Variants in KIAA0825 observed in about 807,000 individuals in gnomAD.
KIAA0825 encodes uncharacterized protein KIAA0825.
KIAA0825 carries 119 observed loss-of-function variants against 147.6 expected under a neutral mutation model. The ratio of observed to expected loss-of-function variants is 0.81; its 90% CI spans 0.69 to 0.94. The LOEUF (loss-of-function observed/expected upper bound fraction) is 0.94, where lower values mean the gene tolerates loss of function less well. Ranked by LOEUF, KIAA0825 falls within the 40% of genes least tolerant of loss-of-function variation. The pLI, the probability that KIAA0825 is intolerant of heterozygous loss-of-function variation, is 0.00. For synonymous variants in KIAA0825, 470 were observed against 518.1 expected, an observed-to-expected ratio of 0.91 and a Z score of 1.26; for missense variants, 1,381 against 1,472.7, an observed-to-expected ratio of 0.94 and a Z score of 1.02.
At chr5:94,350,618 GGT>G (rs1783552640) in intron 20 of KIAA0825, among the ~76,000 whole-genome samples, 1 of 152,132 alleles carries the variant, frequency 6.6e-6, no homozygotes, top group African/African-American at 2.4e-5. Flanking sequence ...ATGCAGGGAT[GGT>G]TTAACATACA....
chr5:94,194,859 G>T (rs189617686), intron 20 of KIAA0825, among the ~76,000 whole-genome samples: 2 of 152,204 alleles, frequency 1.3e-5, no homozygotes, highest in East Asian at 1.9e-4. Context: ...CTTCTGTCTT[G>T]TATTTTTTGC....
In KIAA0825 at chr5:94,608,743, CA is replaced by C. The variant is rs1056331761; in HGVS notation, c.-153+9756del. Among the ~76,000 whole-genome samples the C allele has an allele frequency of 3.0e-4, 45 of 150,786 alleles. 1 individual carries two copies. The highest frequency in any genetic ancestry group is 1.0e-3 in the African/African-American group (43 of 41,080). ...GAAAACATCAGACCGTATTTGTTGC[CA>C]ATGATAAAATTTGAGCTTTCCAAGC... On this transcript the variant is annotated intron_variant, in intron 1 of 20. Coordinates refer to ENST00000682413, the MANE Select transcript of KIAA0825 (RefSeq NM_001145678.3).
intron 20 of KIAA0825, among the ~76,000 whole-genome samples, chr5:94,309,477 G>A (rs1778968741): frequency 6.6e-6 from 1 of 151,550 alleles, no homozygotes; most frequent in Non-Finnish European, 1.5e-5. Flanking sequence ...ACAGTTTCTG[G>A]TTAAAACCCC....
chr5:94,473,123 G>C (rs542860779), intron 8 of KIAA0825, among the ~76,000 whole-genome samples, 169 bp downstream of exon 8: 5 of 152,084 alleles, frequency 3.3e-5, no homozygotes, highest in East Asian at 3.9e-4. Context: ...AAGTCCTTTC[G>C]GGCAGCAGTG....
In KIAA0825 at chr5:94,520,841, C is replaced by A; in HGVS notation, c.377G>T (p.Ser126Ile). ...DLLWDLSCHS[S>I]VSFPSTLSGT... ...ACTTAGGGTTGATGGGAATGAAACGCTGCTGTGGCAGGAGAGGTCCCAAAG... is the reference window on the plus strand; with the variant it reads ...ACTTAGGGTTGATGGGAATGAAACGATGCTGTGGCAGGAGAGGTCCCAAAG... The change falls in exon 5 of 21, where the codon AGC becomes ATC. Residue 126 changes from serine to isoleucine, a missense_variant. Coordinates refer to ENST00000682413, the MANE Select transcript of KIAA0825 (RefSeq NM_001145678.3). 1 of 1,612,918 alleles carries A rather than the reference C, an allele frequency of 6.2e-7. No homozygotes were observed. Among genetic ancestry groups the A allele is most frequent in the Non-Finnish European group, 8.5e-7 (1 of 1,179,304 alleles).
At chr5:94,497,593 A>G (rs921541779) in intron 5 of KIAA0825, among the ~76,000 whole-genome samples, 1 of 152,194 alleles carries the variant, frequency 6.6e-6, no homozygotes, top group African/African-American at 2.4e-5. Context: ...AATATAAAAA[A>G]CAAGTCACAG....
intron 13 of KIAA0825, among the ~76,000 whole-genome samples, chr5:94,443,669 T>C (rs576683060): frequency 1.3e-5 from 2 of 152,332 alleles, no homozygotes; most frequent in South Asian, 4.1e-4. Context: ...CATTCAGATA[T>C]GTTTATGAAA....
At chr5:94,483,847 T>G (rs987531650) in intron 6 of KIAA0825, among the ~76,000 whole-genome samples, 3 of 151,674 alleles carry the variant, frequency 2.0e-5, no homozygotes, top group African/African-American at 7.2e-5. Context: ...GAAAATAATT[T>G]TACCAAGAGA....
chr5:94,573,085 A>G (rs4869117), intron 2 of KIAA0825, among the ~76,000 whole-genome samples: 134,744 of 145,556 alleles, frequency 0.93, 62,413 homozygotes, highest in East Asian at 1. Context: ...GAAATACATT[A>G]GTTTGGTTCA....
intron 14 of KIAA0825, among the ~76,000 whole-genome samples, chr5:94,426,860 G>C (rs2150762492): frequency 6.6e-6 from 1 of 152,208 alleles, no homozygotes; most frequent in African/African-American, 2.4e-5. Flanking sequence ...AATTAAAATG[G>C]TAAGAATAGT....
intron 20 of KIAA0825, among the ~76,000 whole-genome samples, chr5:94,184,858 C>T (rs1393715872): frequency 2.0e-5 from 3 of 152,180 alleles, no homozygotes; most frequent in Non-Finnish European, 2.9e-5. Flanking sequence ...GAATCCACAA[C>T]TCAGGCTGAA....
chr5:94,535,663 T>C (rs528967990), intron 3 of KIAA0825, among the ~76,000 whole-genome samples: 2 of 152,288 alleles, frequency 1.3e-5, no homozygotes, highest in East Asian at 1.9e-4. Context: ...CTTCTTGAAA[T>C]GCAAGCATCA....
rs569483705 is a variant in KIAA0825 at position 94,457,202 on chromosome 5, A to G, written c.2247-4133T>C. 1.0e-3 allele frequency among the ~76,000 whole-genome samples: 154 copies of G among 152,312 alleles called. 3 individuals are homozygous for G. The South Asian group carries it at 0.014, about 14-fold the overall frequency. On this transcript the variant is annotated intron_variant, in intron 12 of 20. Transcript: ENST00000682413. ...GGTGAAAATTGGCTCACAAGCCTCAATGGGAGAATGAAATTATGAGCTAGC... is the reference window on the plus strand; with the variant it reads ...GGTGAAAATTGGCTCACAAGCCTCAGTGGGAGAATGAAATTATGAGCTAGC...
intron 2 of KIAA0825, among the ~76,000 whole-genome samples, chr5:94,545,616 A>G (rs1463794696): frequency 6.6e-6 from 1 of 152,094 alleles, no homozygotes; most frequent in African/African-American, 2.4e-5. Context: ...TGGGCCAGAA[A>G]GAAACCAGCT....
rs372102168 is a variant in KIAA0825 at position 94,608,468 on chromosome 5, A to T, written c.-153+10032T>A. On this transcript the variant is annotated intron_variant, in intron 1 of 20. Coordinates refer to ENST00000682413, the MANE Select transcript of KIAA0825 (RefSeq NM_001145678.3). Reference sequence around the variant, plus strand: ...GTGTGTGTGTATATATATATATTATATATATAATATATATATATATATAAT... The same window carrying T: ...GTGTGTGTGTATATATATATATTATTTATATAATATATATATATATATAAT... Among the ~76,000 whole-genome samples the T allele has an allele frequency of 7.6e-4, 13 of 17,014 alleles. 2 individuals are homozygous for T. The highest frequency in any genetic ancestry group is 4.2e-3 in the African/African-American group (13 of 3,120). The allele number at this position is 17,014 out of a possible 152,430, so 11.2% of individuals were successfully genotyped here. A position where few individuals can be genotyped will look rare whatever the true frequency, so the allele number is the denominator to read the frequency against.
At chr5:94,511,713 C>T (rs922173823) in intron 5 of KIAA0825, among the ~76,000 whole-genome samples, 6 of 152,162 alleles carry the variant, frequency 3.9e-5, no homozygotes, top group Non-Finnish European at 7.4e-5. Context: ...CTTGGCCGGG[C>T]GCAGTGGGTC....
At chr5:94,450,597 CCT>C (rs1215268280) in intron 13 of KIAA0825, among the ~76,000 whole-genome samples, 2 of 151,836 alleles carry the variant, frequency 1.3e-5, no homozygotes, top group African/African-American at 4.8e-5. Flanking sequence ...TCCTGTAAGC[CCT>C]TTTTATGGTA....
At chr5:94,570,127 C>T (rs1032660568) in intron 2 of KIAA0825, 1 of 152,408 alleles carries the variant, frequency 6.6e-6, no homozygotes, top group African/African-American at 2.4e-5. Flanking sequence ...CAACCCTACA[C>T]CTTCTATTCC....
At chr5:94,496,107 C>G (rs1006613074) in intron 5 of KIAA0825, among the ~76,000 whole-genome samples, 2 of 152,110 alleles carry the variant, frequency 1.3e-5, no homozygotes, top group African/African-American at 4.8e-5. Flanking sequence ...AGGCAGTCCC[C>G]TCAAAGAGAG....
Sources: gnomAD v4.1 joint callset for allele counts (sites outside exome capture counted in the v4.1 genomes callset) on GRCh38, gnomAD v4.1.1 for gene constraint, MANE v1.5 for transcripts, NCBI Gene and HGNC (gene_info 2026-07-23, HGNC 2026-07-21) for gene names.